Variants in LY86 observed in about 807,000 individuals in gnomAD.
The protein encoded by LY86 is MD-1, RP105-associated.
Under a neutral mutation model 17.3 loss-of-function variants are expected in LY86, and 20 were observed. That is an observed-to-expected ratio of 1.15 (90% CI 0.81 to 1.68). The LOEUF is 1.68. LY86 is among the 40% of genes most tolerant of loss of function. The probability of loss-of-function intolerance (pLI) is 0.00; values close to 1 mark genes in which losing one functional copy is unlikely to be tolerated. For synonymous variants in LY86, 74 were observed against 70.6 expected (o/e 1.05, Z -0.24); for missense variants, 200 against 191.9 (o/e 1.04, Z -0.25).
At chr6:6,619,734 A>G (rs905288017) in intron 1 of LY86, among the ~76,000 whole-genome samples, 7 of 152,228 alleles carry the variant, frequency 4.6e-5, no homozygotes, top group African/African-American at 1.7e-4. Context: ...GGAATGAGCC[A>G]TGAATGTTAA....
intron 1 of LY86, among the ~76,000 whole-genome samples, chr6:6,609,908 A>G (rs76860930): frequency 0.017 from 2,532 of 152,006 alleles, 73 homozygotes; most frequent in African/African-American, 0.057. Context: ...AAGATTGGCT[A>G]CAGGGCCCTG....
chr6:6,628,987 G>A (rs770456355), intron 3 of LY86, among the ~76,000 whole-genome samples: 3 of 152,134 alleles, frequency 2.0e-5, no homozygotes, highest in Admixed American at 6.5e-5. Flanking sequence ...TTTTGCCTGC[G>A]TATGGTTTTA....
intron 4 of LY86, among the ~76,000 whole-genome samples, chr6:6,652,988 C>T (rs572806111): frequency 1.2e-4 from 19 of 152,310 alleles, no homozygotes; most frequent in South Asian, 2.1e-4. Flanking sequence ...TGAAACACAA[C>T]GAGATATAAA....
chr6:6,618,408 A>G (rs1460488013), intron 1 of LY86, among the ~76,000 whole-genome samples: 1 of 148,372 alleles, frequency 6.7e-6, no homozygotes, highest in Non-Finnish European at 1.5e-5. Flanking sequence ...TCTGTCAATA[A>G]AAAGGCTTAT....
At chr6:6,602,058 C>T (rs1760927588) in intron 1 of LY86, among the ~76,000 whole-genome samples, 1 of 152,214 alleles carries the variant, frequency 6.6e-6, no homozygotes, top group African/African-American at 2.4e-5. Context: ...TTTATGCCAC[C>T]TGACCCTACC....
At chr6:6,654,451 A>G in intron 4 of LY86, 93 bp from the exon 5 acceptor site, 1 of 922,638 alleles carries the variant, frequency 1.1e-6, no homozygotes, top group Non-Finnish European at 1.7e-6. Context: ...CCAGAACAGC[A>G]CCCAGCACAT....
chr6:6,613,580 TC>T (rs1156401897), intron 1 of LY86, among the ~76,000 whole-genome samples: 5 of 152,002 alleles, frequency 3.3e-5, no homozygotes, highest in African/African-American at 4.8e-5. Context: ...GGGAACTCGC[TC>T]TGGCCCGCAA....
intron 1 of LY86, among the ~76,000 whole-genome samples, chr6:6,613,541 G>C (rs968940902): frequency 6.6e-6 from 1 of 152,134 alleles, no homozygotes; most frequent in Non-Finnish European, 1.5e-5. Context: ...GCCGCTCCGA[G>C]TGCGGGGCCC....
chr6:6,609,847 T>A (rs76933861), intron 1 of LY86, among the ~76,000 whole-genome samples: 17,127 of 145,414 alleles, frequency 0.12, 2,638 homozygotes, highest in African/African-American at 0.36. Flanking sequence ...CATTAAAATT[T>A]AAAAAAAAAA....
chr6:6,612,000 A>ACACTAGGAGTACTGAG (rs1761357158), intron 1 of LY86, among the ~76,000 whole-genome samples: 1 of 151,702 alleles, frequency 6.6e-6, no homozygotes, highest in Non-Finnish European at 1.5e-5. Context: ...TGAGTACTGA[A>ACACTAGGAGTACTGAG]CACTATGAAA....
At chr6:6,635,097 A>G (rs1051472957) in intron 3 of LY86, among the ~76,000 whole-genome samples, 1 of 152,226 alleles carries the variant, frequency 6.6e-6, no homozygotes, top group Non-Finnish European at 1.5e-5. Flanking sequence ...ATACATTAAC[A>G]AATGCAAGCC....
chr6:6,594,596 CAG>C (rs1760642840), intron 1 of LY86, among the ~76,000 whole-genome samples: 1 of 152,184 alleles, frequency 6.6e-6, no homozygotes, highest in African/African-American at 2.4e-5. Context: ...TTCGCCAGAT[CAG>C]AGTCTCAAGT....
chr6:6,594,669 T>G lies in LY86; in HGVS notation c.136+5799T>G, dbSNP rs547854556. On this transcript the variant is annotated intron_variant, in intron 1 of 4. Coordinates refer to ENST00000230568, the MANE Select transcript of LY86 (RefSeq NM_004271.4). ...CTGCATGAGCAAGTGAACTCAATGG[T>G]AAACCCACCATGATTGCAAGGTATT... 3.3e-5 allele frequency among the ~76,000 whole-genome samples: 5 copies of G among 152,248 alleles called. No individual in the cohort carries two copies. The South Asian group carries it at 1.0e-3, about 32-fold the overall frequency.
At chr6:6,598,243 T>C (rs1172261645) in intron 1 of LY86, among the ~76,000 whole-genome samples, 1 of 152,114 alleles carries the variant, frequency 6.6e-6, no homozygotes, top group Non-Finnish European at 1.5e-5. Context: ...ATTTGTCTTA[T>C]AAATTTCAAA....
At chr6:6,606,755 C>T (rs931776434) in intron 1 of LY86, among the ~76,000 whole-genome samples, 2 of 152,228 alleles carry the variant, frequency 1.3e-5, no homozygotes, top group African/African-American at 4.8e-5. Context: ...ACCCGGAACT[C>T]GCGCTGGCCC....
In LY86 at chr6:6,606,571, G is replaced by A. The variant is rs551594254; in HGVS notation, c.136+17701G>A. Among the ~76,000 whole-genome samples the A allele has an allele frequency of 6.7e-4, 102 of 152,332 alleles. 1 individual carries two copies. In the Middle Eastern group the frequency reaches 0.01, roughly 15 times the overall value. On this transcript the variant is annotated intron_variant, in intron 1 of 4. Coordinates refer to ENST00000230568, the MANE Select transcript of LY86 (RefSeq NM_004271.4). The stretch of plus-strand genomic sequence containing the variant: ...GGGCGGCACAGGAGCCCACGGAGCG[G>A]GGGGAGGCTCAGGCATGGCGGGCTG...
At chr6:6,595,414 G>A (rs932147620) in intron 1 of LY86, among the ~76,000 whole-genome samples, 2 of 142,454 alleles carry the variant, frequency 1.4e-5, no homozygotes, top group Non-Finnish European at 3.1e-5. Context: ...GATGAAAGGG[G>A]AGAAAGAAGA....
intron 1 of LY86, among the ~76,000 whole-genome samples, chr6:6,612,136 C>G (rs765990807): frequency 1.3e-5 from 2 of 151,946 alleles, no homozygotes; most frequent in African/African-American, 4.8e-5. Context: ...TCAACAACTC[C>G]TAAGATTGAT....
At chr6:6,606,672 G>A (rs887549709) in intron 1 of LY86, among the ~76,000 whole-genome samples, 1 of 152,228 alleles carries the variant, frequency 6.6e-6, no homozygotes, top group Non-Finnish European at 1.5e-5. Flanking sequence ...ACTGGCCCAG[G>A]TGCTAAGCCC....
Sources: allele counts gnomAD v4.1 joint callset (sites outside exome capture counted in the v4.1 genomes callset), GRCh38; gene constraint gnomAD v4.1.1; transcripts MANE v1.5; gene names NCBI Gene and HGNC (gene_info 2026-07-23, HGNC 2026-07-21).